The following FBLN5 variants were observed in gnomAD, a reference collection of about 807,000 sequenced individuals.
FBLN5 encodes fibulin 5, also known as fibulin-5.
In FBLN5, 24 loss-of-function variants were observed where a neutral mutation model predicts 61.6. The ratio of observed to expected loss-of-function variants is 0.39; its 90% CI spans 0.28 to 0.55. The LOEUF is 0.55. FBLN5 is among the 20% of genes least tolerant of loss of function. The pLI, the probability that FBLN5 is intolerant of heterozygous loss-of-function variation, is 0.65. For synonymous variants in FBLN5, 213 were observed against 219.8 expected, an observed-to-expected ratio of 0.97 and a Z score of 0.27; for missense variants, 470 against 594.1, an observed-to-expected ratio of 0.79 and a Z score of 2.17.
intron 2 of FBLN5, 89 bp from the exon 3 acceptor site, chr14:91,940,705 GC>G (rs1218765968): frequency 8.5e-7 from 1 of 1,172,496 alleles, no homozygotes; most frequent in Non-Finnish European, 1.3e-6. Flanking sequence ...GGGAAATGGA[GC>G]AAAAAAGAAA....
At chr14:91,873,631 C>T (rs912574132) in intron 10 of FBLN5, 1 of 152,322 alleles carries the variant, frequency 6.6e-6, no homozygotes, top group East Asian at 1.9e-4. Flanking sequence ...TCTCAACGCT[C>T]AGTGCCTGAC....
chr14:91,883,701 T>C (rs1449057875), intron 7 of FBLN5, among the ~76,000 whole-genome samples: 1 of 115,548 alleles, frequency 8.7e-6, no homozygotes, highest in Non-Finnish European at 1.9e-5. Flanking sequence ...ACAAAAAAAC[T>C]GCCTGAAAGA....
In FBLN5 at chr14:91,870,191, T is replaced by C. The variant is rs1888851463; in HGVS notation, c.*33A>G. The C allele has an allele frequency of 1.9e-6, 3 of 1,607,220 alleles. No homozygotes were observed. The highest frequency in any genetic ancestry group is 8.5e-7 in the Non-Finnish European group (1 of 1,173,820). On this transcript the variant is annotated 3_prime_UTR_variant, in exon 11 of 11. Coordinates refer to ENST00000342058, the MANE Select transcript of FBLN5 (RefSeq NM_006329.4). ...CTCTTCTCCTGTCCCTTGGTGCCAA[T>C]GAGAGGCAGCGTCGGAGGCTCCAGC...
At chr14:91,929,805 C>T (rs757910242) in intron 4 of FBLN5, among the ~76,000 whole-genome samples, 1 of 152,252 alleles carries the variant, frequency 6.6e-6, no homozygotes, top group Non-Finnish European at 1.5e-5. Context: ...AGCAGCGTGG[C>T]ATCACCTGGG....
chr14:91,885,147 C>G (rs922861072), intron 7 of FBLN5, among the ~76,000 whole-genome samples: 1 of 152,202 alleles, frequency 6.6e-6, no homozygotes, highest in African/African-American at 2.4e-5. Context: ...GAAACAGACT[C>G]TCTCCATCAC....
chr14:91,870,430 G>A (rs1888866508), intron 10 of FBLN5, 45 bp from the exon 11 acceptor site: 2 of 1,606,148 alleles, frequency 1.2e-6, no homozygotes, highest in Non-Finnish European at 1.7e-6. Flanking sequence ...GGCCTGCATG[G>A]TGGCCCTGCA....
intron 10 of FBLN5, among the ~76,000 whole-genome samples, chr14:91,871,092 C>T (rs1247265406): frequency 2.6e-5 from 4 of 151,962 alleles, no homozygotes; most frequent in Non-Finnish European, 5.9e-5. Flanking sequence ...CATATATACA[C>T]CAAACTCCTA....
rs972636909 is a variant in FBLN5 at position 91,882,162 on chromosome 14, G to GA, written c.863-745dup. 1.3e-5 allele frequency among the ~76,000 whole-genome samples: 2 copies of GA among 150,620 alleles called. No individual in the cohort carries two copies. The highest frequency in any genetic ancestry group is 1.5e-5 in the Non-Finnish European group (1 of 67,618). ...ACAGAGTGAGACTCTGTCACAAAAAGAAAAAAAAGAAAGAAAGAAAAGAAA... is the reference window on the plus strand; with the variant it reads ...ACAGAGTGAGACTCTGTCACAAAAAGAAAAAAAAAGAAAGAAAGAAAAGAAA... On this transcript the variant is annotated intron_variant, in intron 8 of 10. Coordinates refer to ENST00000342058, the MANE Select transcript of FBLN5 (RefSeq NM_006329.4). This position sits in a 1 kb window ranked among gnomAD's most constrained non-coding sequence, Gnocchi z 4.9.
chr14:91,915,562 C>A (rs1198239883), intron 4 of FBLN5, among the ~76,000 whole-genome samples: 1 of 151,690 alleles, frequency 6.6e-6, no homozygotes, highest in East Asian at 1.9e-4. Context: ...TGGTGGGCAC[C>A]TGTAGTCCCA....
intron 10 of FBLN5, among the ~76,000 whole-genome samples, chr14:91,872,075 G>T (rs562866194): frequency 6.6e-5 from 10 of 152,122 alleles, no homozygotes; most frequent in East Asian, 1.9e-4. Context: ...GGACCCAGGT[G>T]GGGGGGCCCT....
At chr14:91,928,520 C>T (rs1198540341) in intron 4 of FBLN5, among the ~76,000 whole-genome samples, 1 of 152,176 alleles carries the variant, frequency 6.6e-6, no homozygotes, top group African/African-American at 2.4e-5. Flanking sequence ...ACCTGTAATC[C>T]CAGCACTTTG....
At chr14:91,914,477 CAAAAAAAA>C (rs57302887) in intron 4 of FBLN5, among the ~76,000 whole-genome samples, 2 of 58,620 alleles carry the variant, frequency 3.4e-5, no homozygotes, top group Admixed American at 5.2e-4. Context: ...GACTCTGTCT[CAAAAAAAA>C]AAAAAAAAAA....
At position 91,943,009 on chromosome 14, in the gene FBLN5, C is replaced by T. The variant is rs1434017994; in HGVS notation, c.18-48G>A. Reference sequence around the variant, plus strand: ...ATAAATGCCCAAGACAGATTCAGGTCTAGGGGAGTGTGGGTCGCATGCGGC... The same window carrying T: ...ATAAATGCCCAAGACAGATTCAGGTTTAGGGGAGTGTGGGTCGCATGCGGC... On this transcript the variant is annotated intron_variant, in intron 1 of 10. Transcript: ENST00000342058. The surrounding 1 kb of genome is among the most constrained non-coding windows in gnomAD (Gnocchi z 4.0). The T allele has an allele frequency of 3.8e-6, 5 of 1,309,044 alleles. No homozygotes were observed. The Admixed American group carries it at 7.9e-5, about 21-fold the overall frequency. The allele number at this position is 1,309,044 out of a possible 1,614,324, so 81.1% of individuals were successfully genotyped here.
At chr14:91,936,898 T>C (rs778461139) in intron 4 of FBLN5, 49 bp downstream of exon 4, 1 of 1,612,504 alleles carries the variant, frequency 6.2e-7, no homozygotes, top group Non-Finnish European at 8.5e-7. Context: ...ATACAGACGA[T>C]GTCTTCACCA....
intron 4 of FBLN5, among the ~76,000 whole-genome samples, chr14:91,899,131 C>T (rs565854352): frequency 4.2e-5 from 6 of 142,892 alleles, no homozygotes; most frequent in African/African-American, 1.4e-4. Context: ...TGCTCTACAG[C>T]GGCTGTGTGT....
intron 4 of FBLN5, among the ~76,000 whole-genome samples, chr14:91,927,088 A>G (rs1595340042): frequency 6.6e-6 from 1 of 152,178 alleles, no homozygotes; most frequent in Non-Finnish European, 1.5e-5. Context: ...GAAGATCTCC[A>G]TTTTTCCCCA....
Position 91,888,442 on chromosome 14 carries a change from T to TA in FBLN5, c.620-1131dup, listed in dbSNP as rs1360600284. The stretch of plus-strand genomic sequence containing the variant: ...CAACATGGTGAAGTCCCGTCTCTAC[T>TA]AAAAAAATACAAAAAAATTAGCCAG... On this transcript the variant is annotated intron_variant, in intron 6 of 10. Coordinates refer to ENST00000342058, the MANE Select transcript of FBLN5 (RefSeq NM_006329.4). Among the ~76,000 whole-genome samples the TA allele has an allele frequency of 3.3e-5, 5 of 151,666 alleles. No individual in the cohort carries two copies. In the East Asian group the frequency reaches 7.8e-4, roughly 24 times the overall value.
chr14:91,934,121 G>T (rs1229624385), intron 4 of FBLN5, among the ~76,000 whole-genome samples: 1 of 151,956 alleles, frequency 6.6e-6, no homozygotes, highest in Admixed American at 6.6e-5. Flanking sequence ...TGGGAGGATC[G>T]CTTGAGCCAA....
chr14:91,917,303 G>A (rs1359760287), intron 4 of FBLN5, among the ~76,000 whole-genome samples: 1 of 152,194 alleles, frequency 6.6e-6, no homozygotes, highest in East Asian at 1.9e-4. Context: ...ATTAGGCTGG[G>A]TGTGGTGGCT....
Sources: gnomAD v4.1 joint callset for allele counts (sites outside exome capture counted in the v4.1 genomes callset) on GRCh38, gnomAD v4.1.1 for gene constraint, Gnocchi (gnomAD v3.1) non-coding constraint, MANE v1.5 for transcripts, NCBI Gene and HGNC (gene_info 2026-07-23, HGNC 2026-07-21) for gene names.